SLC39A8: variants seen among roughly 807,000 people sequenced by gnomAD.
SLC39A8 encodes the protein metal cation symporter ZIP8.
SLC39A8 carries 15 observed loss-of-function variants against 40.4 expected under a neutral mutation model. That is an observed-to-expected ratio of 0.37 (90% confidence interval 0.25 to 0.57). The LOEUF (loss-of-function observed/expected upper bound fraction) is 0.57, where lower values mean the gene tolerates loss of function less well. Among genes scored for constraint, SLC39A8 ranks in the 20% least tolerant of loss-of-function variants. The pLI is 0.75. For missense variants in SLC39A8, 472 were observed against 558.8 expected (o/e 0.84, Z 1.57); for synonymous variants, 223 against 221.6 (o/e 1.01, Z -0.06).
At position 102,334,999 on chromosome 4, in the gene SLC39A8, C is replaced by A. The variant is rs192811035; in HGVS notation, c.219+9445G>T. Among the ~76,000 whole-genome samples the A allele has an allele frequency of 9.0e-4, 137 of 152,258 alleles. 1 individual carries two copies. The highest frequency in any genetic ancestry group is 3.0e-3 in the African/African-American group (126 of 41,552). Reference sequence around the variant, plus strand: ...AGTAAATATTCTTACTAGGACAGGACCTGTTTCCTCTGCCACAGTAAAGGC... The same window carrying A: ...AGTAAATATTCTTACTAGGACAGGAACTGTTTCCTCTGCCACAGTAAAGGC... On this transcript the variant is annotated intron_variant, in intron 2 of 8. Transcript: ENST00000356736.
At chr4:102,338,407 C>T (rs960268541) in intron 2 of SLC39A8, among the ~76,000 whole-genome samples, 2 of 151,986 alleles carry the variant, frequency 1.3e-5, no homozygotes, top group African/African-American at 4.8e-5. Flanking sequence ...AGGATGGTCT[C>T]GATCTCCTGA....
intron 2 of SLC39A8, chr4:102,324,310 G>A (rs111337374): frequency 0.012 from 3,385 of 272,042 alleles, 102 homozygotes; most frequent in African/African-American, 0.071. Context: ...CAGGAGAATC[G>A]CTTGAACCCA....
At chr4:102,338,776 C>G (rs763430075) in intron 2 of SLC39A8, among the ~76,000 whole-genome samples, 2 of 152,158 alleles carry the variant, frequency 1.3e-5, no homozygotes, top group Non-Finnish European at 2.9e-5. Flanking sequence ...TACTTAACCT[C>G]TCTGTGCCAC....
chr4:102,314,442 C>A (rs1355556732), intron 3 of SLC39A8, among the ~76,000 whole-genome samples: 5 of 152,066 alleles, frequency 3.3e-5, no homozygotes, highest in African/African-American at 1.2e-4. Flanking sequence ...AGTGACTTCA[C>A]ACTACATTCA....
intron 6 of SLC39A8, among the ~76,000 whole-genome samples, chr4:102,273,182 C>T (rs1224033730): frequency 6.6e-6 from 1 of 152,224 alleles, no homozygotes; most frequent in Admixed American, 6.5e-5. Flanking sequence ...GCCTGGAAAG[C>T]TAAGACCCAC....
intron 2 of SLC39A8, among the ~76,000 whole-genome samples, chr4:102,342,230 G>A (rs1019312557): frequency 4.6e-5 from 7 of 152,188 alleles, no homozygotes; most frequent in Admixed American, 1.3e-4. Flanking sequence ...GCAAGGTACC[G>A]TGGCTCATGC....
chr4:102,298,850 G>A (rs1733786437), intron 6 of SLC39A8, among the ~76,000 whole-genome samples: 1 of 151,986 alleles, frequency 6.6e-6, no homozygotes, highest in Non-Finnish European at 1.5e-5. Flanking sequence ...AAAAGTTCAG[G>A]GATTAGAGGC....
intron 6 of SLC39A8, among the ~76,000 whole-genome samples, chr4:102,299,816 A>T (rs1733839891): frequency 6.6e-6 from 1 of 152,018 alleles, no homozygotes. Flanking sequence ...AACGAGCTCC[A>T]GGGTCCCTCT....
At chr4:102,316,760 T>C (rs1734678105) in intron 2 of SLC39A8, among the ~76,000 whole-genome samples, 1 of 152,178 alleles carries the variant, frequency 6.6e-6, no homozygotes, top group South Asian at 2.1e-4. Flanking sequence ...ATCTGAATTA[T>C]GTCTCCCCAG....
At chr4:102,258,658 A>G (rs905099060), downstream of SLC39A8, among the ~76,000 whole-genome samples, 1 of 152,162 alleles carries the variant, frequency 6.6e-6, no homozygotes, top group African/African-American at 2.4e-5. Context: ...AGGAAAGAAA[A>G]GGGGATAAAA....
intron 2 of SLC39A8, among the ~76,000 whole-genome samples, chr4:102,322,682 T>C (rs1242706656): frequency 1.3e-5 from 2 of 152,116 alleles, no homozygotes; most frequent in Non-Finnish European, 2.9e-5. Context: ...ATCATCCCAT[T>C]CAAAAGCCAC....
intron 2 of SLC39A8, among the ~76,000 whole-genome samples, chr4:102,320,098 G>C (rs1046736380): frequency 2.0e-5 from 3 of 147,854 alleles, no homozygotes; most frequent in Admixed American, 6.9e-5. Context: ...CCTGCAGACA[G>C]CAGATCCTGG....
chr4:102,276,869 C>T (rs1264824373), intron 6 of SLC39A8, among the ~76,000 whole-genome samples: 2 of 152,152 alleles, frequency 1.3e-5, no homozygotes, highest in Non-Finnish European at 2.9e-5. Flanking sequence ...GTCACATAAA[C>T]AGAACCAATG....
intron 2 of SLC39A8, among the ~76,000 whole-genome samples, chr4:102,328,555 A>C (rs1191630795): frequency 6.6e-6 from 1 of 152,226 alleles, no homozygotes; most frequent in South Asian, 2.1e-4. Context: ...AAAATTTATC[A>C]GTTAAAAAGG....
At chr4:102,258,191 G>A (rs1159691025), downstream of SLC39A8, among the ~76,000 whole-genome samples, 2 of 149,494 alleles carry the variant, frequency 1.3e-5, no homozygotes, top group East Asian at 3.9e-4. Context: ...TGCAAGCTCC[G>A]CCTCCCTGAT....
At chr4:102,315,536 T>C in intron 3 of SLC39A8, 132 bp downstream of exon 3, 1 of 655,656 alleles carries the variant, frequency 1.5e-6, no homozygotes, top group Non-Finnish European at 2.3e-6. Flanking sequence ...ACTTTCAAAA[T>C]ATAAGTATTA....
Position 102,345,329 on chromosome 4 carries a change from C to T in SLC39A8, c.-254+16G>A, listed in dbSNP as rs1220262214. ...GAGCTTGGCAAGTTAATCGGAAGCA[C>T]TCGCTGGCCTCTCACCTCTCCTATC... On this transcript the variant is annotated intron_variant, in intron 1 of 8. Coordinates refer to ENST00000356736, the MANE Select transcript of SLC39A8 (RefSeq NM_001135146.2). 5 of 152,634 alleles carry T rather than the reference C, an allele frequency of 3.3e-5. No individual in the cohort carries two copies. The highest frequency in any genetic ancestry group is 3.3e-4 in the Admixed American group (5 of 15,282). 9.5% of individuals were successfully genotyped at this position (152,634 alleles called of 1,614,324 possible).
chr4:102,334,297 G>A (rs771751613), intron 2 of SLC39A8, among the ~76,000 whole-genome samples: 3 of 152,130 alleles, frequency 2.0e-5, no homozygotes, highest in Non-Finnish European at 4.4e-5. Context: ...TGGAATGTCT[G>A]GTCTCCCAGA....
chr4:102,275,854 T>C lies in SLC39A8; in HGVS notation c.841-7775A>G, dbSNP rs541944177. ...ACTCACTCAAAACCACACAACTACA[T>C]GGAAACGGAACAAACTGCTCCTGAA... On this transcript the variant is annotated intron_variant, in intron 6 of 8. Transcript: ENST00000356736. Among the ~76,000 whole-genome samples, 8 of 152,166 alleles carry C rather than the reference T, an allele frequency of 5.3e-5. 1 individual carries two copies. Among genetic ancestry groups the C allele is most frequent in the African/African-American group, 1.9e-4 (8 of 41,502 alleles).
Sources: allele counts gnomAD v4.1 joint callset (sites outside exome capture counted in the v4.1 genomes callset), GRCh38; gene constraint gnomAD v4.1.1; transcripts MANE v1.5; gene names NCBI Gene and HGNC (gene_info 2026-07-23, HGNC 2026-07-21).